The following ITGAX variants were observed in gnomAD, a reference collection of about 807,000 sequenced individuals.
ITGAX encodes integrin alpha-X.
A neutral mutation model predicts 140.2 loss-of-function variants in ITGAX; 99 were observed. That is an observed-to-expected ratio of 0.71 (90% CI 0.60 to 0.83). ITGAX has a LOEUF of 0.83. Ranked by LOEUF, ITGAX falls within the 40% of genes least tolerant of loss-of-function variation. The pLI, the probability that ITGAX is intolerant of heterozygous loss-of-function variation, is 0.00. For synonymous variants in ITGAX, 631 were observed against 600.4 expected (o/e 1.05, Z -0.75); for missense variants, 1,444 against 1,482.0 (o/e 0.97, Z 0.42).
rs199930128 is a variant in ITGAX at position 31,356,989 on chromosome 16, C to G, written c.248-42C>G. 6.5e-6 allele frequency: 10 copies of G among 1,540,110 alleles called. No homozygotes were observed. The African/African-American group carries it at 8.3e-5, about 13-fold the overall frequency. ...CTGCCCAGCTCTTCCACAGCCTTCT[C>G]TGTACCCCCGAGAGTGACCATGCAC... is the stretch of plus-strand genomic sequence containing the variant. On this transcript the variant is annotated intron_variant, in intron 3 of 29. Transcript: ENST00000268296.
Position 31,380,013 on chromosome 16 carries a change from T to G in ITGAX, c.3008T>G (p.Ile1003Ser). ...NPSLRCSSEK[I>S]APPASDFLAH... ...TCCCTTCGGTGCTCCTCAGAGAAAATCGCACCCCCAGCATCTGACTTCCTG... is the reference window on the plus strand; with the variant it reads ...TCCCTTCGGTGCTCCTCAGAGAAAAGCGCACCCCCAGCATCTGACTTCCTG... The change falls in exon 26 of 30, where the codon ATC becomes AGC. Residue 1003 changes from isoleucine (I) to serine (S), a missense_variant. Transcript: ENST00000268296. 1 of 1,614,074 alleles carries G rather than the reference T, an allele frequency of 6.2e-7. No homozygotes were observed. Among genetic ancestry groups the G allele is most frequent in the Non-Finnish European group, 8.5e-7 (1 of 1,180,020 alleles).
chr16:31,382,476 T>C lies in ITGAX; in HGVS notation c.*569T>C. 6.6e-7 allele frequency: 1 copy of C among 1,523,338 alleles called. No homozygotes were observed. The highest frequency in any genetic ancestry group is 8.8e-7 in the Non-Finnish European group (1 of 1,135,240). 94.4% of individuals were successfully genotyped at this position (1,523,338 alleles called of 1,614,324 possible). On this transcript the variant is annotated 3_prime_UTR_variant, in exon 30 of 30. Coordinates refer to ENST00000268296, the MANE Select transcript of ITGAX (RefSeq NM_000887.5). ...CCACCTGTCTTCAACAGCTCCCCATTACCCTCAGGACAATGTCTGAACTCT... is the reference window on the plus strand; with the variant it reads ...CCACCTGTCTTCAACAGCTCCCCATCACCCTCAGGACAATGTCTGAACTCT...
chr16:31,366,282 TCGATGTTG>T (rs1303375320), intron 14 of ITGAX, among the ~76,000 whole-genome samples: 3 of 152,212 alleles, frequency 2.0e-5, no homozygotes, highest in African/African-American at 7.2e-5. Flanking sequence ...TCAGTGATCT[TCGATGTTG>T]CTATTGTCCT....
intron 29 of ITGAX, among the ~76,000 whole-genome samples, chr16:31,381,590 C>T (rs1295801651): frequency 9.9e-5 from 15 of 152,122 alleles, no homozygotes; most frequent in Non-Finnish European, 2.9e-5. Flanking sequence ...GATCACGCCA[C>T]TGCACTCCAG....
rs773331174 is a variant in ITGAX at position 31,361,912 on chromosome 16, G to A, written c.1086+3G>A. 38 of 1,613,948 alleles carry A rather than the reference G, an allele frequency of 2.4e-5. No individual in the cohort carries two copies. Among genetic ancestry groups the A allele is most frequent in the Admixed American group, 1.7e-4 (10 of 60,008 alleles). On this transcript the variant is annotated splice_donor_region_variant and intron_variant, in intron 10 of 29. Coordinates refer to ENST00000268296, the MANE Select transcript of ITGAX (RefSeq NM_000887.5). ...GCTTCAGCGCTGTGTTCACACCTGT[G>A]AGTGGGGCCCCTTAGGCCGATGATG...
intron 22 of ITGAX, 27 bp downstream of exon 22, chr16:31,377,106 G>T: frequency 1.2e-6 from 2 of 1,613,322 alleles, no homozygotes. Context: ...CAGGGGCAGT[G>T]CCCCTCATCT....
chr16:31,373,300 G>A lies in ITGAX; in HGVS notation c.2418G>A (p.Met806Ile). 6.2e-7 allele frequency: 1 copy of A among 1,613,856 alleles called. No homozygotes were observed. The change falls in exon 20 of 30, where the codon ATG (methionine) becomes ATA (isoleucine). Residue 806 changes from methionine (M) to isoleucine (I), a missense_variant. Met to Ile is a conservative substitution (Grantham distance 10). Coordinates refer to ENST00000268296, the MANE Select transcript of ITGAX (RefSeq NM_000887.5). The part of the protein sequence containing the change: ...GSNLELNAEV[M>I]VWNDGEDSYG... ...ACCTGGAGCTGAACGCAGAAGTGAT[G>A]GTGTGGAATGACGGGGAAGACTCCT...
At chr16:31,366,666 C>T (rs914058027) in intron 14 of ITGAX, among the ~76,000 whole-genome samples, 3 of 152,194 alleles carry the variant, frequency 2.0e-5, no homozygotes, top group African/African-American at 4.8e-5. Context: ...CAGGTGGGTG[C>T]CACCATGCCT....
At chr16:31,364,024 C>T (rs2080866131) in intron 14 of ITGAX, among the ~76,000 whole-genome samples, 1 of 152,180 alleles carries the variant, frequency 6.6e-6, no homozygotes. Flanking sequence ...ATCAAGGTCC[C>T]ACCAAATGCC....
At chr16:31,376,132 A>G (rs1048741332) in intron 20 of ITGAX, among the ~76,000 whole-genome samples, 5 of 152,244 alleles carry the variant, frequency 3.3e-5, no homozygotes, top group African/African-American at 7.2e-5. Context: ...AAACAAGAGT[A>G]GAAAAATGTT....
At chr16:31,378,904 C>T (rs1326466335) in intron 23 of ITGAX, among the ~76,000 whole-genome samples, 1 of 151,896 alleles carries the variant, frequency 6.6e-6, no homozygotes, top group Non-Finnish European at 1.5e-5. Context: ...CAACCTCCGC[C>T]TCCTGGCTCC....
chr16:31,362,360 C>T (rs1449973636), intron 11 of ITGAX, among the ~76,000 whole-genome samples, 156 bp downstream of exon 11: 5 of 14,540 alleles, frequency 3.4e-4, no homozygotes, highest in African/African-American at 1.1e-3. Flanking sequence ...GGGTGGGTTC[C>T]AGGTTCTGGG....
rs138866008 is a variant in ITGAX, at chr16:31,362,175, A to C, written c.1187A>C (p.Glu396Ala). 1.5e-4 allele frequency: 245 copies of C among 1,613,822 alleles called. No individual in the cohort carries two copies. In the Middle Eastern group the frequency reaches 3.3e-3, roughly 22 times the overall value. ...MSPTFINMSQ[E>A]NVDMRDSYLG... is the part of the protein sequence containing the mutation. The stretch of plus-strand genomic sequence containing the variant: ...CCTACCTTCATCAACATGTCTCAGG[A>C]GAATGTGGACATGAGGGACTCTTAC... The change falls in exon 11 of 30, where the codon GAG becomes GCG. Residue 396 changes from glutamate to alanine, a missense_variant. Coordinates refer to ENST00000268296, the MANE Select transcript of ITGAX (RefSeq NM_000887.5).
At chr16:31,370,967 C>A in intron 14 of ITGAX, 117 bp from the exon 15 acceptor site, 1 of 1,324,860 alleles carries the variant, frequency 7.5e-7, no homozygotes, top group Non-Finnish European at 1.1e-6. Context: ...GACATCTGTT[C>A]ACAACTCACC....
chr16:31,372,448 T>C lies in ITGAX; in HGVS notation c.2231T>C (p.Leu744Pro), dbSNP rs2142517468. The change falls in exon 18 of 30, where the codon CTT becomes CCT. Residue 744 changes from leucine (L) to proline (P), a missense_variant. Physicochemically the swap from Leu to Pro is moderately conservative, Grantham distance 98. Coordinates refer to ENST00000268296, the MANE Select transcript of ITGAX (RefSeq NM_000887.5). ...TTCACGCTGGTGGGCAAGCCCCTCCTTGCCTTCAGAAACCTGCGGCCTATG... is the reference window on the plus strand; with the variant it reads ...TTCACGCTGGTGGGCAAGCCCCTCCCTGCCTTCAGAAACCTGCGGCCTATG... ...LNFTLVGKPL[L>P]AFRNLRPMLA... The C allele has an allele frequency of 6.2e-7, 1 of 1,609,082 alleles. No individual in the cohort carries two copies.
intron 17 of ITGAX, among the ~76,000 whole-genome samples, chr16:31,372,175 G>A (rs1022406781): frequency 1.3e-5 from 2 of 150,322 alleles, no homozygotes; most frequent in African/African-American, 2.5e-5. Context: ...TGGGGGGGGG[G>A]AGGAAAAAAA....
rs1320525061 is a variant in ITGAX at position 31,360,623 on chromosome 16, G to A, written c.861+160G>A. The stretch of plus-strand genomic sequence containing the variant: ...CAGCCTTGAACTCCTGGGCTCCAGT[G>A]ATCCTCCCACCCCAGCCTCCCCAGT... On this transcript the variant is annotated intron_variant, in intron 8 of 29. Transcript: ENST00000268296. 6 of 658,462 alleles carry A rather than the reference G, an allele frequency of 9.1e-6. No individual in the cohort carries two copies. The East Asian group carries it at 1.7e-4, about 19-fold the overall frequency. The allele number at this position is 658,462 out of a possible 1,614,324, so 40.8% of individuals were successfully genotyped here.
Position 31,379,638 on chromosome 16 carries a change from A to G in ITGAX, c.2860A>G (p.Arg954Gly), listed in dbSNP as rs774453753. 1 of 1,564,106 alleles carries G rather than the reference A, an allele frequency of 6.4e-7. No homozygotes were observed. Among genetic ancestry groups the G allele is most frequent in the Non-Finnish European group, 8.7e-7 (1 of 1,153,410 alleles). The change falls in exon 24 of 30, where the codon AGA becomes GGA. Residue 954 changes from arginine (R) to glycine (G), a missense_variant. Transcript: ENST00000268296. ...EEKESHVAMH[R>G]YQVNNLGQRD... Reference sequence around the variant, plus strand: ...GAAGGAAAGCCATGTGGCCATGCACAGATACCAGGCAGGTGGTGGAGACGC... The same window carrying G: ...GAAGGAAAGCCATGTGGCCATGCACGGATACCAGGCAGGTGGTGGAGACGC...
Position 31,382,847 on chromosome 16 carries a change from T to A in ITGAX, c.*940T>A. ...CACTTCTATTTTTTGAGGCTATGAA[T>A]ATAGTACCTGAAAAAATGCCAAGAC... On this transcript the variant is annotated 3_prime_UTR_variant, in exon 30 of 30. Transcript: ENST00000268296. 1 of 260,280 alleles carries A rather than the reference T, an allele frequency of 3.8e-6. No individual in the cohort carries two copies. 16.1% of individuals were successfully genotyped at this position (260,280 alleles called of 1,614,324 possible).
Sources: allele counts gnomAD v4.1 joint callset (sites outside exome capture counted in the v4.1 genomes callset), GRCh38; gene constraint gnomAD v4.1.1; transcripts MANE v1.5; gene names NCBI Gene and HGNC (gene_info 2026-07-23, HGNC 2026-07-21).